Variants in ITPK1 observed in about 807,000 individuals in gnomAD.
The protein encoded by ITPK1 is inositol-tetrakisphosphate 1-kinase, also known as inositol 1,3,4-trisphosphate 5/6-kinase.
A neutral mutation model predicts 45.3 loss-of-function variants in ITPK1; 21 were observed. The ratio of observed to expected loss-of-function variants is 0.46; its 90% CI spans 0.33 to 0.67. The LOEUF (loss-of-function observed/expected upper bound fraction) is 0.67. ITPK1 is among the 30% of genes least tolerant of loss of function. The pLI is 0.02. For synonymous variants in ITPK1, 258 were observed against 253.6 expected (o/e 1.02, Z -0.16); for missense variants, 474 against 573.5 (o/e 0.83, Z 1.77).
At chr14:92,953,567 C>T (rs1308691862) in intron 8 of ITPK1, among the ~76,000 whole-genome samples, 1 of 152,222 alleles carries the variant, frequency 6.6e-6, no homozygotes, top group Non-Finnish European at 1.5e-5. Flanking sequence ...GCTCAGCCCC[C>T]TGAGCTCAGG....
intron 5 of ITPK1, among the ~76,000 whole-genome samples, chr14:92,974,130 G>A (rs997515603): frequency 6.6e-5 from 10 of 152,112 alleles, no homozygotes; most frequent in South Asian, 4.1e-4. Flanking sequence ...TGTCCCTCTC[G>A]CTTAGGATGA....
intron 3 of ITPK1, among the ~76,000 whole-genome samples, chr14:93,029,976 C>T (rs1282558542): frequency 6.6e-6 from 1 of 152,166 alleles, no homozygotes; most frequent in Non-Finnish European, 1.5e-5. Context: ...AGGCTGCTAC[C>T]CCCTTCCAGA....
At chr14:92,994,240 G>A (rs1053626587) in intron 4 of ITPK1, among the ~76,000 whole-genome samples, 2 of 152,238 alleles carry the variant, frequency 1.3e-5, no homozygotes, top group African/African-American at 2.4e-5. Context: ...ACTGCAACCA[G>A]GCTCAGGGCA....
At chr14:93,101,786 G>C (rs1892331632) in intron 2 of ITPK1, among the ~76,000 whole-genome samples, 1 of 152,176 alleles carries the variant, frequency 6.6e-6, no homozygotes, top group Non-Finnish European at 1.5e-5. Flanking sequence ...GGAGGTGGAG[G>C]TTGCAGTGAC....
chr14:92,985,675 G>C (rs932904515), intron 5 of ITPK1, among the ~76,000 whole-genome samples: 5 of 151,978 alleles, frequency 3.3e-5, no homozygotes, highest in African/African-American at 9.7e-5. Flanking sequence ...GCAAATGCCT[G>C]GCAGGGTCTG....
At chr14:92,967,941 C>A (rs924786421) in intron 5 of ITPK1, among the ~76,000 whole-genome samples, 2 of 152,158 alleles carry the variant, frequency 1.3e-5, no homozygotes, top group African/African-American at 4.8e-5. Context: ...TGGGTACATT[C>A]CTTTGGGGGT....
intron 5 of ITPK1, among the ~76,000 whole-genome samples, chr14:92,967,918 G>A (rs1885460020): frequency 6.6e-6 from 1 of 152,236 alleles, no homozygotes; most frequent in African/African-American, 2.4e-5. Flanking sequence ...AAGGAACTGG[G>A]AGGGACTGCA....
chr14:92,986,898 C>G (rs549599494), intron 5 of ITPK1, among the ~76,000 whole-genome samples: 2 of 152,304 alleles, frequency 1.3e-5, no homozygotes, highest in African/African-American at 4.8e-5. Context: ...GCAGGAGGGA[C>G]AGAGGGCAGC....
chr14:92,963,863 A>T (rs1175653855), intron 5 of ITPK1, among the ~76,000 whole-genome samples: 1 of 152,118 alleles, frequency 6.6e-6, no homozygotes, highest in Non-Finnish European at 1.5e-5. Flanking sequence ...AGGTGGGACC[A>T]CCCTGTACTT....
At chr14:93,086,437 A>G (rs1023838567) in intron 2 of ITPK1, among the ~76,000 whole-genome samples, 4 of 152,180 alleles carry the variant, frequency 2.6e-5, no homozygotes, top group African/African-American at 9.7e-5. Context: ...CTGCTGCTGC[A>G]CCTCCAACCA....
At chr14:93,000,119 T>G (rs1887263507) in intron 4 of ITPK1, among the ~76,000 whole-genome samples, 1 of 152,210 alleles carries the variant, frequency 6.6e-6, no homozygotes, top group Non-Finnish European at 1.5e-5. Context: ...CACGGCATGG[T>G]GTAGTGTATT....
At chr14:93,115,400 C>T (rs1332910437) in intron 1 of ITPK1, 95 bp from the exon 2 acceptor site, 1 of 155,760 alleles carries the variant, frequency 6.4e-6, no homozygotes, top group East Asian at 1.8e-4. Flanking sequence ...GCCAAGCTGC[C>T]ACCGCCCACG....
At position 92,946,456 on chromosome 14, in the gene ITPK1, T is replaced by C; in HGVS notation, c.776A>G (p.Asp259Gly). Residue 259 changes from aspartate (D) to glycine (G), a missense_variant, in exon 10 of 11, where the codon GAC becomes GGC. By Grantham distance (94) the Asp-to-Gly change is moderately conservative. This residue lies in a region of ITPK1 where 367 missense variants were observed against 480.6 expected (regional missense o/e 0.76). Coordinates refer to ENST00000267615, the MANE Select transcript of ITPK1 (RefSeq NM_014216.6). Reference sequence around the variant, plus strand: ...CCGGGAGAGCTCCCGGATGACCTCGTCGCTCGGCCGCTCGAACACGCCCTC... The same window carrying C: ...CCGGGAGAGCTCCCGGATGACCTCGCCGCTCGGCCGCTCGAACACGCCCTC... The part of the protein sequence containing the change: ...KIEGVFERPS[D>G]EVIRELSRAL... 1 of 1,612,910 alleles carries C rather than the reference T, an allele frequency of 6.2e-7. No homozygotes were observed. The highest frequency in any genetic ancestry group is 8.5e-7 in the Non-Finnish European group (1 of 1,179,918).
intron 3 of ITPK1, among the ~76,000 whole-genome samples, chr14:93,051,446 T>C (rs759336713): frequency 1.3e-5 from 2 of 151,996 alleles, no homozygotes; most frequent in Admixed American, 6.6e-5. Flanking sequence ...TGAAACCCTG[T>C]CTCTCCTAAA....
intron 3 of ITPK1, among the ~76,000 whole-genome samples, chr14:93,026,760 C>G (rs1888754134): frequency 6.6e-6 from 1 of 151,772 alleles, no homozygotes; most frequent in Non-Finnish European, 1.5e-5. Context: ...GGTGGAAGAC[C>G]ATGCTGCCAC....
chr14:93,068,468 A>T (rs1890850455), intron 3 of ITPK1: 1 of 152,376 alleles, frequency 6.6e-6, no homozygotes, highest in East Asian at 1.9e-4. Context: ...CAAGTCTACC[A>T]TGGGCTGTCC....
intron 3 of ITPK1, among the ~76,000 whole-genome samples, chr14:93,039,380 C>T (rs1028381588): frequency 1.3e-5 from 2 of 152,206 alleles, no homozygotes; most frequent in African/African-American, 4.8e-5. Context: ...TGGTGACTCA[C>T]ACCTGTAATC....
intron 5 of ITPK1, among the ~76,000 whole-genome samples, chr14:92,982,606 G>T (rs1886289736): frequency 6.6e-6 from 1 of 152,156 alleles, no homozygotes; most frequent in Non-Finnish European, 1.5e-5. Context: ...TTCAGCCCGT[G>T]ACACCCTGGG....
intron 4 of ITPK1, among the ~76,000 whole-genome samples, chr14:93,006,888 A>T (rs1334555528): frequency 6.6e-6 from 1 of 152,126 alleles, no homozygotes; most frequent in Non-Finnish European, 1.5e-5. Context: ...TTCACACCAA[A>T]CTTTTATGAG....
Sources: gnomAD v4.1 joint callset for allele counts (sites outside exome capture counted in the v4.1 genomes callset) on GRCh38, gnomAD v4.1.1 for gene constraint, gnomAD v4.1.1 regional missense constraint, MANE v1.5 for transcripts, NCBI Gene and HGNC (gene_info 2026-07-23, HGNC 2026-07-21) for gene names.